DMD: variants seen among roughly 807,000 people sequenced by gnomAD.
The protein encoded by DMD is dystrophin, also known as mutant dystrophin.
In DMD, 63 loss-of-function variants were observed where a neutral mutation model predicts 330.1. The observed-to-expected ratio is 0.19, with a 90% CI of 0.16 to 0.24. The LOEUF is 0.24. Among genes scored for constraint, DMD ranks in the 10% least tolerant of loss-of-function variants. The pLI is 1.00. For missense variants in DMD, 3,344 were observed against 2,684.1 expected (o/e 1.25, Z -5.43); for synonymous variants, 1,223 against 959.8 (o/e 1.27, Z -5.07).
chrX:32,339,990 C>G (rs988138410), intron 41 of DMD, among the ~76,000 whole-genome samples: 2 of 111,993 alleles, frequency 1.8e-5, no homozygotes, highest in African/African-American at 6.5e-5. Flanking sequence ...GTGACTATCA[C>G]AAATGACTCT....
At chrX:31,170,466 C>T (rs1367749862) in intron 73 of DMD, among the ~76,000 whole-genome samples, 3 of 110,508 alleles carry the variant, frequency 2.7e-5, no homozygotes, top group African/African-American at 9.9e-5. Flanking sequence ...GCCTGTTTAC[C>T]TCCAAGTTAT....
chrX:32,261,977 TAAATC>T (rs1368268479), intron 43 of DMD, among the ~76,000 whole-genome samples: 2 of 111,915 alleles, frequency 1.8e-5, no homozygotes, highest in African/African-American at 6.5e-5. Flanking sequence ...ACTCAGGTAT[TAAATC>T]AAATATTTTT....
intron 43 of DMD, among the ~76,000 whole-genome samples, chrX:32,240,743 A>G (rs1033226425): frequency 6.3e-5 from 7 of 111,197 alleles, no homozygotes; most frequent in African/African-American, 2.0e-4. Flanking sequence ...TCTCTCTTCC[A>G]TCAACTAATC....
At chrX:32,255,230 ATGC>A (rs898144784) in intron 43 of DMD, among the ~76,000 whole-genome samples, 1 of 112,062 alleles carries the variant, frequency 8.9e-6, no homozygotes, top group Non-Finnish European at 1.9e-5. Context: ...ACAGTAAAAT[ATGC>A]TGCTATGAAC....
chrX:32,525,564 C>G (rs140083801), intron 17 of DMD, among the ~76,000 whole-genome samples: 95 of 111,742 alleles, frequency 8.5e-4, no homozygotes, highest in Non-Finnish European at 1.5e-3. Flanking sequence ...AGCAATTGCA[C>G]GTTTATTTTA....
intron 1 of DMD, among the ~76,000 whole-genome samples, chrX:33,221,344 C>A (rs2052172512): frequency 9.0e-6 from 1 of 111,073 alleles, no homozygotes; most frequent in Non-Finnish European, 1.9e-5. Flanking sequence ...CAGAGAGGTA[C>A]CTAATAGCAA....
chrX:32,849,451 A>G (rs1412606335), intron 3 of DMD, among the ~76,000 whole-genome samples: 2 of 112,199 alleles, frequency 1.8e-5, no homozygotes, highest in Admixed American at 1.9e-4. Context: ...CATTATGTAT[A>G]AAAGCCTTCA....
At chrX:33,197,886 T>A (rs949974078) in intron 1 of DMD, among the ~76,000 whole-genome samples, 2 of 111,285 alleles carry the variant, frequency 1.8e-5, no homozygotes, top group Non-Finnish European at 3.8e-5. Context: ...TGCATTCATG[T>A]CAAGGTTTTT....
chrX:32,568,244 T>TCA (rs898407193), intron 15 of DMD, among the ~76,000 whole-genome samples: 5 of 112,099 alleles, frequency 4.5e-5, no homozygotes, highest in African/African-American at 1.3e-4. Context: ...AGGTGGTGGC[T>TCA]CACGCCTATA....
intron 4 of DMD, among the ~76,000 whole-genome samples, chrX:32,828,769 G>C (rs896896028): frequency 1.8e-5 from 2 of 110,336 alleles, no homozygotes; most frequent in Non-Finnish European, 3.8e-5. Context: ...ATAAGAATAG[G>C]CTCTTCTCTC....
chrX:32,543,293 C>T (rs10522004), intron 17 of DMD, among the ~76,000 whole-genome samples: 15,844 of 109,642 alleles, frequency 0.14, 1,783 homozygotes, highest in African/African-American at 0.37. Context: ...TCACCACTAG[C>T]CACTCTTTCC....
At chrX:32,719,985 T>TAC (rs2066112236) in intron 7 of DMD, among the ~76,000 whole-genome samples, 2 of 107,726 alleles carry the variant, frequency 1.9e-5, no homozygotes, top group African/African-American at 3.5e-5. Context: ...TATATATATA[T>TAC]ATACACACAC....
intron 43 of DMD, among the ~76,000 whole-genome samples, chrX:32,217,784 T>A (rs756365909): frequency 1.8e-5 from 2 of 111,386 alleles, no homozygotes; most frequent in East Asian, 5.6e-4. Flanking sequence ...AAATAAAACT[T>A]TAAAAATATA....
In DMD at chrX:32,380,698, G is replaced by T. The variant is rs1271108663; in HGVS notation, c.4675-18C>A. The T allele has an allele frequency of 8.4e-7, 1 of 1,188,024 alleles. No individual in the cohort carries two copies. Among genetic ancestry groups the T allele is most frequent in the Admixed American group, 2.2e-5 (1 of 45,799 alleles). ...TCTGTTACCTGAAAAGAATTATAAT[G>T]AAATGTAATTTAGTTTACTCTTTAA... On this transcript the variant is annotated intron_variant, in intron 33 of 78. Coordinates refer to ENST00000357033, the MANE Select transcript of DMD (RefSeq NM_004006.3).
In DMD at chrX:31,984,977, T is replaced by C. The variant is rs781299444; in HGVS notation, c.6439-16463A>G. ...ACAATGATGGGACAACAAATCACAA[T>C]GTATGCCATACAAAGAAATGATATG... On this transcript the variant is annotated intron_variant, in intron 44 of 78. Coordinates refer to ENST00000357033, the MANE Select transcript of DMD (RefSeq NM_004006.3). Among the ~76,000 whole-genome samples the C allele has an allele frequency of 2.7e-5, 3 of 112,115 alleles. No homozygotes were observed. The Admixed American group carries it at 2.9e-4, about 11-fold the overall frequency.
intron 43 of DMD, among the ~76,000 whole-genome samples, chrX:32,238,278 G>T (rs1406504176): frequency 9.0e-6 from 1 of 111,716 alleles, no homozygotes; most frequent in African/African-American, 3.3e-5. Context: ...TGAGGTTGTA[G>T]TTAAGCTGTT....
intron 48 of DMD, among the ~76,000 whole-genome samples, chrX:31,862,126 A>T (rs1274503314): frequency 9.1e-6 from 1 of 110,416 alleles, no homozygotes; most frequent in African/African-American, 3.3e-5. Context: ...TTCAATAAAT[A>T]AACAAAATTA....
At chrX:32,585,200 G>C (rs1257744230) in intron 13 of DMD, among the ~76,000 whole-genome samples, 1 of 111,015 alleles carries the variant, frequency 9.0e-6, no homozygotes, top group Non-Finnish European at 1.9e-5. Context: ...TGTGTGGATG[G>C]AATGAAGAGA....
At chrX:32,454,978 T>C in intron 25 of DMD, 146 bp from the exon 26 acceptor site, 1 of 627,289 alleles carries the variant, frequency 1.6e-6, no homozygotes, top group Non-Finnish European at 2.4e-6. Context: ...AAATAACTCA[T>C]GGGGATCAGA....
Sources: gnomAD v4.1 joint callset for allele counts (sites outside exome capture counted in the v4.1 genomes callset) on GRCh38, gnomAD v4.1.1 for gene constraint, MANE v1.5 for transcripts, NCBI Gene and HGNC (gene_info 2026-07-23, HGNC 2026-07-21) for gene names.